Variants in ZNF532 observed in about 807,000 individuals in gnomAD.
The protein encoded by ZNF532 is zinc finger protein 532.
Under a neutral mutation model 89.3 loss-of-function variants are expected in ZNF532, and 22 were observed. That is an observed-to-expected ratio of 0.25 (90% CI 0.18 to 0.35). The LOEUF is 0.35. ZNF532 is among the 10% of genes least tolerant of loss of function. The pLI, the probability that ZNF532 is intolerant of heterozygous loss-of-function variation, is 1.00. For synonymous variants in ZNF532, 606 were observed against 649.6 expected (o/e 0.93, Z 1.02); for missense variants, 1,132 against 1,643.4 (o/e 0.69, Z 5.38).
intron 2 of ZNF532, among the ~76,000 whole-genome samples, chr18:58,888,924 G>T (rs1195503274): frequency 8.2e-5 from 7 of 85,846 alleles, no homozygotes; most frequent in East Asian, 3.4e-4. Flanking sequence ...ATTCATACAG[G>T]CTGAGTATCC....
At position 58,981,507 on chromosome 18, in the gene ZNF532, T is replaced by G. The variant is rs745545712; in HGVS notation, c.3301T>G (p.Leu1101Val). The G allele has an allele frequency of 1.9e-6, 3 of 1,613,838 alleles. No individual in the cohort carries two copies. The Admixed American group carries it at 5.0e-5, about 27-fold the overall frequency. Reference protein sequence around the residue: ...PDSRRTFTKRLMLEKHVQLMH... With the variant: ...PDSRRTFTKRVMLEKHVQLMH... ...CTCCAGACGTACCTTTACCAAACGT[T>G]TGATGCTGGAGAAGCACGTCCAGCT... is the stretch of plus-strand genomic sequence containing the variant. The change falls in exon 9 of 10, where the codon TTG becomes GTG. Residue 1101 changes from leucine to valine, a missense_variant. By Grantham distance (32) the Leu-to-Val change is conservative (BLOSUM62 1). Coordinates refer to ENST00000591808, the MANE Select transcript of ZNF532 (RefSeq NM_001375912.1).
At chr18:58,889,958 G>T (rs1161848478) in intron 2 of ZNF532, among the ~76,000 whole-genome samples, 4 of 150,756 alleles carry the variant, frequency 2.7e-5, no homozygotes, top group Admixed American at 2.7e-4. Context: ...GCATGCACCT[G>T]TATAGTCCCA....
At chr18:58,870,307 C>A (rs1429675534) in intron 2 of ZNF532, among the ~76,000 whole-genome samples, 5 of 151,968 alleles carry the variant, frequency 3.3e-5, no homozygotes, top group Non-Finnish European at 7.4e-5. Context: ...TGGAAGGAGC[C>A]CCCAGAAGCT....
chr18:58,909,339 T>C (rs1568293709), intron 2 of ZNF532, among the ~76,000 whole-genome samples: 1 of 152,182 alleles, frequency 6.6e-6, no homozygotes, highest in Non-Finnish European at 1.5e-5. Context: ...GGAGGGAATA[T>C]GAGGGCTTTA....
rs1191588421 is a variant in ZNF532, at chr18:58,984,545, TAG to T, written c.*82_*83del. On this transcript the variant is annotated 3_prime_UTR_variant, in exon 10 of 10. Coordinates refer to ENST00000591808, the MANE Select transcript of ZNF532 (RefSeq NM_001375912.1). Reference sequence around the variant, plus strand: ...TTTTGTTACAAAGTTTGCAGTATAATAGAGTTAACAGTACTGTCTAGGCTGTT... The same window carrying T: ...TTTTGTTACAAAGTTTGCAGTATAATAGTTAACAGTACTGTCTAGGCTGTT... 1 of 1,507,082 alleles carries T rather than the reference TAG, an allele frequency of 6.6e-7. No individual in the cohort carries two copies. The allele number at this position is 1,507,082 out of a possible 1,614,324, so 93.4% of individuals were successfully genotyped here. A position where few individuals can be genotyped will look rare whatever the true frequency, so the allele number is the denominator to read the frequency against.
At chr18:58,907,417 C>T (rs1469084077) in intron 2 of ZNF532, among the ~76,000 whole-genome samples, 1 of 152,092 alleles carries the variant, frequency 6.6e-6, no homozygotes, top group Non-Finnish European at 1.5e-5. Context: ...AACTCCTGAC[C>T]TCGTGATCCC....
intron 2 of ZNF532, among the ~76,000 whole-genome samples, chr18:58,903,885 G>A (rs17761470): frequency 0.091 from 13,828 of 152,258 alleles, 1,157 homozygotes; most frequent in East Asian, 0.39. Context: ...AGTTTAAACC[G>A]TGGACAATGT....
chr18:58,983,783 G>C (rs1270349269), intron 9 of ZNF532, among the ~76,000 whole-genome samples, 189 bp from the exon 10 acceptor site: 2 of 152,090 alleles, frequency 1.3e-5, no homozygotes, highest in African/African-American at 2.4e-5. Flanking sequence ...ACAGCTACTA[G>C]GTTTCTCTGT....
At position 58,941,963 on chromosome 18, in the gene ZNF532, T is replaced by TCTCCCTCTCTCCCTCC. The variant is rs1568379723; in HGVS notation, c.2705+2349_2705+2350insTCTCCCTCCCTCCCTC. Among the ~76,000 whole-genome samples the TCTCCCTCTCTCCCTCC allele has an allele frequency of 1.9e-5, 2 of 106,582 alleles. 1 individual carries two copies. The highest frequency in any genetic ancestry group is 3.9e-5 in the Non-Finnish European group (2 of 50,840). The allele number at this position is 106,582 out of a possible 152,430, so 69.9% of individuals were successfully genotyped here. On this transcript the variant is annotated intron_variant, in intron 5 of 9. Transcript: ENST00000591808. ...TCTTCTTTCCTTTCCTCCCTCCCTC[T>TCTCCCTCTCTCCCTCC]CTCCCTCCCTCCCTCCTTCCCTCCT...
chr18:58,985,193 G>GA lies in ZNF532; in HGVS notation c.*734dup, dbSNP rs918217736. On this transcript the variant is annotated 3_prime_UTR_variant, in exon 10 of 10. Coordinates refer to ENST00000591808, the MANE Select transcript of ZNF532 (RefSeq NM_001375912.1). ...GAGGAATGGGGAAGGCTATTCTAAA[G>GA]AAAAAAATGGGATTTGTTTTCTCGG... 6 of 152,180 alleles carry GA rather than the reference G, an allele frequency of 3.9e-5. No individual in the cohort carries two copies. The highest frequency in any genetic ancestry group is 7.4e-5 in the Non-Finnish European group (5 of 67,962). 9.4% of individuals were successfully genotyped at this position (152,180 alleles called of 1,614,324 possible). A position where few individuals can be genotyped will look rare whatever the true frequency, so the allele number is the denominator to read the frequency against.
At chr18:58,917,449 A>G (rs1447090718) in intron 2 of ZNF532, among the ~76,000 whole-genome samples, 1 of 152,208 alleles carries the variant, frequency 6.6e-6, no homozygotes, top group Non-Finnish European at 1.5e-5. Flanking sequence ...TCCAGGGAGC[A>G]GAACATGCCC....
Position 58,904,739 on chromosome 18 carries a change from G to A in ZNF532, c.-17-13532G>A, listed in dbSNP as rs569601977. Among the ~76,000 whole-genome samples, 8 of 152,192 alleles carry A rather than the reference G, an allele frequency of 5.3e-5. No homozygotes were observed. The South Asian group carries it at 1.0e-3, about 20-fold the overall frequency. ...ACCAAATAAATCATTTATCATCTCC[G>A]GCCACAGACTGGGGCTGGCTGTAGT... On this transcript the variant is annotated intron_variant, in intron 2 of 9. Coordinates refer to ENST00000591808, the MANE Select transcript of ZNF532 (RefSeq NM_001375912.1).
intron 2 of ZNF532, chr18:58,916,830 C>T: frequency 1.6e-6 from 1 of 643,592 alleles, no homozygotes; most frequent in South Asian, 6.9e-5. Context: ...TCTCTCTTGA[C>T]CCTGGAATAG....
chr18:58,939,246 CAAAAAAAAA>C (rs71336307), intron 4 of ZNF532, among the ~76,000 whole-genome samples, 190 bp from the exon 5 acceptor site: 53 of 34,504 alleles, frequency 1.5e-3, no homozygotes, highest in East Asian at 5.4e-3. Context: ...GACGTTGTCT[CAAAAAAAAA>C]AAAAAAAAAA....
intron 2 of ZNF532, among the ~76,000 whole-genome samples, chr18:58,890,619 A>G (rs1005827191): frequency 7.0e-6 from 1 of 143,012 alleles, no homozygotes; most frequent in Non-Finnish European, 1.5e-5. Context: ...TGAGAAATTT[A>G]AAAAGTAAGG....
At chr18:58,972,946 A>C (rs1037063151) in intron 7 of ZNF532, among the ~76,000 whole-genome samples, 6 of 152,212 alleles carry the variant, frequency 3.9e-5, no homozygotes, top group Admixed American at 2.6e-4. Context: ...GAGATGAACA[A>C]TTGACAGCTT....
Position 58,962,634 on chromosome 18 carries a change from T to G in ZNF532, c.3150+8835T>G, listed in dbSNP as rs543824938. Among the ~76,000 whole-genome samples the G allele has an allele frequency of 3.3e-5, 5 of 151,246 alleles. No individual in the cohort carries two copies. In the South Asian group the frequency reaches 1.1e-3, roughly 32 times the overall value. ...TTTTTTTTTTTTGAGATGGAGTCTT[T>G]CTCTGTCGCCCAGGCTGGAGTACAG... On this transcript the variant is annotated intron_variant, in intron 7 of 9. Transcript: ENST00000591808.
rs1201349378 is a variant in ZNF532 at position 58,985,757 on chromosome 18, T to C, written c.*1291T>C. On this transcript the variant is annotated 3_prime_UTR_variant, in exon 10 of 10. Coordinates refer to ENST00000591808, the MANE Select transcript of ZNF532 (RefSeq NM_001375912.1). ...TGTATCTTGTATTTATCCCTGAACA[T>C]GTTTTGTACCTTTTTTTTTTTTTTT... The C allele has an allele frequency of 6.7e-6, 1 of 150,356 alleles. No individual in the cohort carries two copies. The highest frequency in any genetic ancestry group is 2.5e-5 in the African/African-American group (1 of 40,648). The allele number at this position is 150,356 out of a possible 1,614,324, so 9.3% of individuals were successfully genotyped here.
intron 2 of ZNF532, among the ~76,000 whole-genome samples, chr18:58,916,555 A>G (rs918079223): frequency 4.6e-5 from 7 of 152,324 alleles, no homozygotes; most frequent in East Asian, 1.9e-4. Context: ...TATGCTGAGT[A>G]AGCCATCGAA....
Sources: allele counts gnomAD v4.1 joint callset (sites outside exome capture counted in the v4.1 genomes callset), GRCh38; gene constraint gnomAD v4.1.1; transcripts MANE v1.5; gene names NCBI Gene and HGNC (gene_info 2026-07-23, HGNC 2026-07-21).